Variants in VGLL4 observed in about 807,000 individuals in gnomAD.
VGLL4 encodes transcription cofactor vestigial-like protein 4.
In VGLL4, 7 loss-of-function variants were observed where a neutral mutation model predicts 21.0. The observed-to-expected ratio is 0.33, with a 90% CI of 0.19 to 0.63. VGLL4 has a LOEUF of 0.63. Ranked by LOEUF, VGLL4 falls within the 20% of genes least tolerant of loss-of-function variation. The probability of loss-of-function intolerance (pLI) is 0.78; values close to 1 mark genes in which losing one functional copy is unlikely to be tolerated. For synonymous variants in VGLL4, 222 were observed against 173.2 expected (o/e 1.28, Z -2.21); for missense variants, 394 against 425.7 (o/e 0.93, Z 0.66).
At chr3:11,639,112 G>A (rs543355628) in intron 1 of VGLL4, among the ~76,000 whole-genome samples, 1 of 152,276 alleles carries the variant, frequency 6.6e-6, no homozygotes, top group East Asian at 1.9e-4. Context: ...CACACTAATG[G>A]CTCTTAACCC....
Position 11,601,852 on chromosome 3 carries a change from G to A in VGLL4, c.253C>T (p.Arg85Cys), listed in dbSNP as rs189985865. The A allele has an allele frequency of 9.9e-6, 16 of 1,613,568 alleles. No individual in the cohort carries two copies. Among genetic ancestry groups the A allele is most frequent in the African/African-American group, 9.4e-5 (7 of 74,848 alleles). ...ACTCACAGATGGGGGTTGAAGATGC[G>A]ACTCATTTTGGAGACGTGGTCGTTG... ...CDNDHVSKMS[R>C]IFNPHLNKTA... Residue 85 changes from arginine to cysteine, a missense_variant, in exon 2 of 5, where the codon CGC (arginine) becomes TGC (cysteine). Transcript: ENST00000430365.
chr3:11,676,504 G>A (rs1050119287), intron 2 of VGLL4, among the ~76,000 whole-genome samples: 8 of 151,268 alleles, frequency 5.3e-5, no homozygotes, highest in Admixed American at 6.6e-5. Context: ...AAAGAACATG[G>A]TGCTGAAGTA....
chr3:11,601,970 A>G lies in VGLL4; in HGVS notation c.135T>C (p.Ser45=). Residue 45 remains serine, a synonymous_variant, in exon 2 of 5, where the codon TCT becomes TCC. Coordinates refer to ENST00000430365, the MANE Select transcript of VGLL4 (RefSeq NM_001128219.3). ...EPRIQTLPVA[S]ALSSHRTGPP... is the part of the protein sequence containing the mutation. ...GGCCGGTGCGGTGACTGCTGAGGGC[A>G]GAGGCCACCGGCAGGGTCTGTATTC... is the stretch of plus-strand genomic sequence containing the variant. The G allele has an allele frequency of 6.2e-7, 1 of 1,608,080 alleles. No individual in the cohort carries two copies. Among genetic ancestry groups the G allele is most frequent in the Non-Finnish European group, 8.5e-7 (1 of 1,177,942 alleles).
At chr3:11,617,760 C>T (rs2075190547) in intron 1 of VGLL4, among the ~76,000 whole-genome samples, 2 of 152,184 alleles carry the variant, frequency 1.3e-5, no homozygotes, top group Admixed American at 6.5e-5. Context: ...TGTTCCCTAG[C>T]TTATCAATAT....
At chr3:11,560,629 C>A (rs1218716776) in intron 3 of VGLL4, among the ~76,000 whole-genome samples, 1 of 152,182 alleles carries the variant, frequency 6.6e-6, no homozygotes, top group East Asian at 1.9e-4. Flanking sequence ...CAAGGATGAA[C>A]TGGGATTGAA....
chr3:11,566,187 C>T (rs2073494498), intron 2 of VGLL4, among the ~76,000 whole-genome samples: 2 of 152,156 alleles, frequency 1.3e-5, no homozygotes. Context: ...TACGCATGCA[C>T]ACAGAATGTT....
intron 2 of VGLL4, among the ~76,000 whole-genome samples, chr3:11,570,508 G>A (rs935358014): frequency 4.6e-5 from 7 of 152,148 alleles, no homozygotes; most frequent in South Asian, 2.1e-4. Context: ...CAGCCCCCAC[G>A]CCCTAATCTC....
intron 2 of VGLL4, among the ~76,000 whole-genome samples, chr3:11,566,766 C>A (rs979370525): frequency 1.3e-5 from 2 of 152,152 alleles, no homozygotes; most frequent in African/African-American, 4.8e-5. Flanking sequence ...AGAATCCATC[C>A]CCCACCGTCA....
Position 11,564,947 on chromosome 3 carries a change from C to T in VGLL4, c.345G>A (p.Val115=), listed in dbSNP as rs1236160972. 6.3e-7 allele frequency: 1 copy of T among 1,575,316 alleles called. No individual in the cohort carries two copies. The highest frequency in any genetic ancestry group is 8.6e-7 in the Non-Finnish European group (1 of 1,161,086). ...TGCCGTGCAGGCTCATGGTGGGGGC[C>T]ACAGCGCGCTCGATGGGGCTGCGGC... The part of the protein sequence containing the change: ...ERSRSPIERA[V]APTMSLHGSH... Residue 115 remains valine (V), a synonymous_variant, in exon 3 of 5, where the codon GTG becomes GTA. Coordinates refer to ENST00000430365, the MANE Select transcript of VGLL4 (RefSeq NM_001128219.3).
chr3:11,620,521 C>T (rs1258066040), intron 1 of VGLL4, among the ~76,000 whole-genome samples: 2 of 152,188 alleles, frequency 1.3e-5, no homozygotes, highest in African/African-American at 2.4e-5. Flanking sequence ...ATTGATCATA[C>T]GTAAAACCTT....
chr3:11,657,364 T>C (rs2075973175), intron 2 of VGLL4, among the ~76,000 whole-genome samples: 1 of 152,212 alleles, frequency 6.6e-6, no homozygotes, highest in African/African-American at 2.4e-5. Flanking sequence ...CCTGGGTTTA[T>C]GCTGTTTTTC....
At chr3:11,627,076 TAA>T (rs1351754500) in intron 1 of VGLL4, among the ~76,000 whole-genome samples, 1 of 151,268 alleles carries the variant, frequency 6.6e-6, no homozygotes, top group Non-Finnish European at 1.5e-5. Context: ...TGCCACTGAT[TAA>T]AAGACACTTG....
intron 2 of VGLL4, among the ~76,000 whole-genome samples, chr3:11,654,888 C>T (rs888710026): frequency 3.3e-5 from 5 of 152,174 alleles, no homozygotes; most frequent in South Asian, 2.1e-4. Flanking sequence ...CTAGAATAAA[C>T]GGTTTTTGTT....
chr3:11,634,304 C>T (rs1347897196), intron 1 of VGLL4, among the ~76,000 whole-genome samples: 1 of 152,116 alleles, frequency 6.6e-6, no homozygotes, highest in African/African-American at 2.4e-5. Context: ...CTGGGAGGCA[C>T]CCTTAGTGTC....
At chr3:11,583,041 C>A (rs139030882) in intron 2 of VGLL4, among the ~76,000 whole-genome samples, 10 of 152,270 alleles carry the variant, frequency 6.6e-5, no homozygotes, top group African/African-American at 2.2e-4. Flanking sequence ...CTTAGCCATA[C>A]GCCAGCATCA....
intron 2 of VGLL4, among the ~76,000 whole-genome samples, chr3:11,571,389 C>T (rs1376289196): frequency 6.6e-6 from 1 of 152,184 alleles, no homozygotes; most frequent in Non-Finnish European, 1.5e-5. Flanking sequence ...CCCCCATTAA[C>T]TCTCCATAAA....
intron 2 of VGLL4, among the ~76,000 whole-genome samples, chr3:11,573,206 AAG>A (rs746225014): frequency 6.7e-6 from 1 of 149,628 alleles, no homozygotes; most frequent in African/African-American, 2.5e-5. Context: ...GAAAGAAAAG[AAG>A]AGAGAGAGAG....
rs529231956 is a variant in VGLL4, at chr3:11,569,858, GT to G, written c.273-4840del. Among the ~76,000 whole-genome samples, 136 of 152,302 alleles carry G rather than the reference GT, an allele frequency of 8.9e-4. 1 individual carries two copies. The South Asian group carries it at 0.021, about 23-fold the overall frequency. On this transcript the variant is annotated intron_variant, in intron 2 of 4. Transcript: ENST00000430365. ...GTCACGCCACTGCACTTTAGCCTGG[GT>G]GACAGAGCAAGACCCTGTCTTTAAA... is the stretch of plus-strand genomic sequence containing the variant.
chr3:11,574,700 CTGAGCTCATCACTCTACA>C (rs2073976120), intron 2 of VGLL4, among the ~76,000 whole-genome samples: 1 of 152,072 alleles, frequency 6.6e-6, no homozygotes, highest in Non-Finnish European at 1.5e-5. Context: ...GCTAACCACC[CTGAGCTCATCACTCTACA>C]TGACACATGT....
Sources: allele counts gnomAD v4.1 joint callset (sites outside exome capture counted in the v4.1 genomes callset), GRCh38; gene constraint gnomAD v4.1.1; transcripts MANE v1.5; gene names NCBI Gene and HGNC (gene_info 2026-07-23, HGNC 2026-07-21).